DOCK2: variants seen among roughly 807,000 people sequenced by gnomAD.
DOCK2 encodes the protein dedicator of cytokinesis protein 2.
Under a neutral mutation model 248.9 loss-of-function variants are expected in DOCK2, and 87 were observed. That is an observed-to-expected ratio of 0.35 (90% CI 0.29 to 0.42). DOCK2 has a LOEUF of 0.42. Ranked by LOEUF, DOCK2 falls within the 10% of genes least tolerant of loss-of-function variation. The pLI, the probability that DOCK2 is intolerant of heterozygous loss-of-function variation, is 1.00. For synonymous variants in DOCK2, 805 were observed against 821.6 expected (o/e 0.98, Z 0.35); for missense variants, 1,747 against 2,300.2 (o/e 0.76, Z 4.92).
At chr5:169,979,758 C>A (rs767410414) in intron 27 of DOCK2, among the ~76,000 whole-genome samples, 1 of 152,166 alleles carries the variant, frequency 6.6e-6, no homozygotes, top group African/African-American at 2.4e-5. Context: ...GGTTTTTCTA[C>A]GTGGTAGTGA....
At chr5:169,685,644 C>T (rs947791679) in intron 8 of DOCK2, among the ~76,000 whole-genome samples, 11 of 152,268 alleles carry the variant, frequency 7.2e-5, no homozygotes, top group Middle Eastern at 6.8e-3. Flanking sequence ...ATTAAATGAA[C>T]GAATACACCA....
intron 32 of DOCK2, among the ~76,000 whole-genome samples, chr5:170,013,983 C>A (rs1053657445): frequency 3.3e-5 from 5 of 151,986 alleles, no homozygotes; most frequent in African/African-American, 1.2e-4. Context: ...CTTGGGGCAC[C>A]CAGAGAATTG....
At chr5:169,851,620 A>C (rs1319718370) in intron 27 of DOCK2, among the ~76,000 whole-genome samples, 1 of 152,204 alleles carries the variant, frequency 6.6e-6, no homozygotes, top group Non-Finnish European at 1.5e-5. Flanking sequence ...GTCTGTTTTC[A>C]CACTGCTATA....
intron 27 of DOCK2, among the ~76,000 whole-genome samples, chr5:169,921,011 C>A (rs1156651606): frequency 6.6e-6 from 1 of 152,206 alleles, no homozygotes; most frequent in Non-Finnish European, 1.5e-5. Context: ...TTCCTAATTA[C>A]CTTTGCAAGA....
chr5:169,986,072 A>G, intron 29 of DOCK2, 150 bp downstream of exon 29: 4 of 673,380 alleles, frequency 5.9e-6, no homozygotes, highest in Non-Finnish European at 9.1e-6. Flanking sequence ...AACCCAGGGA[A>G]GGACTCCTCA....
chr5:170,072,060 G>A (rs1757696216), intron 46 of DOCK2, among the ~76,000 whole-genome samples: 1 of 152,002 alleles, frequency 6.6e-6, no homozygotes, highest in South Asian at 2.1e-4. Flanking sequence ...TTCAGCTTGG[G>A]GCTATTATAA....
chr5:169,999,712 C>T (rs913525074), intron 30 of DOCK2, among the ~76,000 whole-genome samples: 1 of 152,208 alleles, frequency 6.6e-6, no homozygotes, highest in African/African-American at 2.4e-5. Flanking sequence ...CTACCTCTTC[C>T]TCCCCCTGTG....
intron 22 of DOCK2, among the ~76,000 whole-genome samples, chr5:169,742,002 GA>G (rs1763337610): frequency 1.3e-5 from 2 of 151,800 alleles, no homozygotes; most frequent in African/African-American, 4.8e-5. Flanking sequence ...TTTTATAGTA[GA>G]GATGGAGTTT....
At chr5:169,958,464 G>A (rs1776953866) in intron 27 of DOCK2, among the ~76,000 whole-genome samples, 1 of 152,120 alleles carries the variant, frequency 6.6e-6, no homozygotes, top group Admixed American at 6.5e-5. Flanking sequence ...AAAAGCTGGT[G>A]TGCATATTTA....
chr5:169,808,594 C>CT (rs571314456), intron 26 of DOCK2, among the ~76,000 whole-genome samples: 2 of 151,918 alleles, frequency 1.3e-5, no homozygotes, highest in East Asian at 1.9e-4. Context: ...TTTTCTCCCC[C>CT]CTCACTGAGC....
chr5:169,774,414 TA>T (rs1469711788), intron 25 of DOCK2, among the ~76,000 whole-genome samples: 2 of 152,272 alleles, frequency 1.3e-5, no homozygotes, highest in East Asian at 1.9e-4. Flanking sequence ...AGGAAACTGA[TA>T]AGGAGGTTTA....
Position 169,914,992 on chromosome 5 carries a change from G to C in DOCK2, c.2800-68076G>C, listed in dbSNP as rs572768348. On this transcript the variant is annotated intron_variant, in intron 27 of 51. Transcript: ENST00000520908. The stretch of plus-strand genomic sequence containing the variant: ...AAAGAGAATCTGCCTGACCCCAGAG[G>C]AGGCTCCATCATTGCAAGGCAAACT... 5.9e-5 allele frequency among the ~76,000 whole-genome samples: 9 copies of C among 152,354 alleles called. No homozygotes were observed. The South Asian group carries it at 1.9e-3, about 32-fold the overall frequency.
At chr5:169,637,690 C>A (rs1004949553) in intron 1 of DOCK2, among the ~76,000 whole-genome samples, 18 of 152,240 alleles carry the variant, frequency 1.2e-4, no homozygotes, top group African/African-American at 4.1e-4. Context: ...AGTGCCCCAG[C>A]TCGCCGCGTG....
At chr5:170,053,674 T>C (rs887269177) in intron 41 of DOCK2, among the ~76,000 whole-genome samples, 3 of 152,190 alleles carry the variant, frequency 2.0e-5, no homozygotes, top group Non-Finnish European at 2.9e-5. Context: ...ATCATAGAAA[T>C]ACCTTCACTG....
At chr5:170,061,654 TTC>T (rs1254189837) in intron 44 of DOCK2, among the ~76,000 whole-genome samples, 2 of 152,282 alleles carry the variant, frequency 1.3e-5, no homozygotes, top group East Asian at 3.8e-4. Context: ...ATTATTTTCA[TTC>T]TCTTTCTCTG....
rs1760822368 is a variant in DOCK2 at position 169,699,363 on chromosome 5, GCT to G, written c.1056-14_1056-13del. 1 of 1,610,420 alleles carries G rather than the reference GCT, an allele frequency of 6.2e-7. No homozygotes were observed. Among genetic ancestry groups the G allele is most frequent in the Admixed American group, 1.7e-5 (1 of 59,642 alleles). On this transcript the variant is annotated splice_polypyrimidine_tract_variant and intron_variant, in intron 11 of 51. Transcript: ENST00000520908. ...GGAGGACACGATGTGGACATTTCAT[GCT>G]CTCTTTTCCTTTCCAGGGTTACAGC...
intron 40 of DOCK2, among the ~76,000 whole-genome samples, chr5:170,049,905 C>T (rs1561898221): frequency 1.3e-5 from 2 of 152,144 alleles, no homozygotes; most frequent in Non-Finnish European, 2.9e-5. Context: ...CCCACATGGC[C>T]CATTACAGGC....
At chr5:169,703,872 G>C (rs1455298144) in intron 14 of DOCK2, 1 of 152,182 alleles carries the variant, frequency 6.6e-6, no homozygotes, top group African/African-American at 2.4e-5. Flanking sequence ...CAACTTCCCT[G>C]GTAGAGAACT....
chr5:169,810,510 T>G (rs1272150200), intron 26 of DOCK2, among the ~76,000 whole-genome samples: 1 of 152,180 alleles, frequency 6.6e-6, no homozygotes, highest in Non-Finnish European at 1.5e-5. Flanking sequence ...AGTTGGTTAT[T>G]GTAAGGTAGC....
Sources: gnomAD v4.1 joint callset for allele counts (sites outside exome capture counted in the v4.1 genomes callset) on GRCh38, gnomAD v4.1.1 for gene constraint, MANE v1.5 for transcripts, NCBI Gene and HGNC (gene_info 2026-07-23, HGNC 2026-07-21) for gene names.